USH2A: variants seen among roughly 807,000 people sequenced by gnomAD.
USH2A encodes the protein usherin, also known as Usher syndrome 2A (autosomal recessive, mild).
USH2A carries 443 observed loss-of-function variants against 538.9 expected under a neutral mutation model. That is an observed-to-expected ratio of 0.82 (90% CI 0.76 to 0.89). USH2A has a LOEUF of 0.89. USH2A is among the 40% of genes least tolerant of loss of function. USH2A has a pLI of 0.00. For synonymous variants in USH2A, 2,413 were observed against 2,273.5 expected (o/e 1.06, Z -1.75); for missense variants, 6,633 against 6,324.8 (o/e 1.05, Z -1.65).
intron 64 of USH2A, among the ~76,000 whole-genome samples, chr1:215,668,381 C>T (rs1373388372): frequency 6.6e-5 from 10 of 152,190 alleles, no homozygotes. Flanking sequence ...TTTATTTCAG[C>T]ATTTAATCTA....
At chr1:215,843,929 G>GA (rs1258400363) in intron 46 of USH2A, among the ~76,000 whole-genome samples, 1 of 151,940 alleles carries the variant, frequency 6.6e-6, no homozygotes, top group Non-Finnish European at 1.5e-5. Flanking sequence ...AATGGGAAGA[G>GA]AAAAAAACAT....
At chr1:216,034,240 T>C (rs928699792) in intron 32 of USH2A, among the ~76,000 whole-genome samples, 9 of 151,998 alleles carry the variant, frequency 5.9e-5, no homozygotes, top group Admixed American at 6.6e-5. Context: ...ATTGAGAAGG[T>C]GAGGTATCAC....
intron 11 of USH2A, among the ~76,000 whole-genome samples, chr1:216,263,209 T>A (rs1451057220): frequency 6.6e-6 from 1 of 152,084 alleles, no homozygotes; most frequent in African/African-American, 2.4e-5. Context: ...ATAGAAGAAC[T>A]AATACCATTT....
chr1:216,212,685 G>GTT (rs2035266052), intron 15 of USH2A, among the ~76,000 whole-genome samples: 1 of 146,760 alleles, frequency 6.8e-6, no homozygotes, highest in Admixed American at 6.7e-5. Flanking sequence ...GTGTGTGTTT[G>GTT]TGTGTGTGTG....
At chr1:216,304,194 A>G (rs1038756325) in intron 9 of USH2A, among the ~76,000 whole-genome samples, 1 of 152,050 alleles carries the variant, frequency 6.6e-6, no homozygotes, top group Non-Finnish European at 1.5e-5. Context: ...TGAATTTAGT[A>G]GTATAGTAAG....
At chr1:216,064,014 T>C (rs1438032823) in intron 30 of USH2A, among the ~76,000 whole-genome samples, 1 of 152,200 alleles carries the variant, frequency 6.6e-6, no homozygotes, top group Non-Finnish European at 1.5e-5. Flanking sequence ...TGGTGTGGTA[T>C]ATAAATCAAG....
At chr1:215,896,661 G>C (rs1053682647) in intron 40 of USH2A, among the ~76,000 whole-genome samples, 2 of 152,052 alleles carry the variant, frequency 1.3e-5, no homozygotes, top group African/African-American at 4.8e-5. Flanking sequence ...AAACATACGA[G>C]AGAGAAGGAA....
intron 38 of USH2A, among the ~76,000 whole-genome samples, chr1:215,934,066 T>C (rs1255437257): frequency 6.6e-6 from 1 of 152,020 alleles, no homozygotes. Flanking sequence ...CACACATGAA[T>C]GTGGCCCTGC....
At chr1:215,921,063 A>G (rs1328659420) in intron 38 of USH2A, among the ~76,000 whole-genome samples, 3 of 152,150 alleles carry the variant, frequency 2.0e-5, no homozygotes, top group African/African-American at 2.4e-5. Flanking sequence ...ATTAGTTTTT[A>G]CAAATATAAG....
At chr1:215,957,671 C>T (rs191519485) in intron 37 of USH2A, among the ~76,000 whole-genome samples, 1 of 152,202 alleles carries the variant, frequency 6.6e-6, no homozygotes, top group African/African-American at 2.4e-5. Context: ...GCGTGGTGGA[C>T]GTTATGTTCC....
intron 3 of USH2A, among the ~76,000 whole-genome samples, chr1:216,371,825 A>G (rs968147613): frequency 4.6e-5 from 7 of 152,218 alleles, no homozygotes; most frequent in Admixed American, 4.6e-4. Flanking sequence ...AAACAACAAC[A>G]TGAACTATGT....
chr1:215,680,678 C>A (rs1004541517), intron 61 of USH2A, among the ~76,000 whole-genome samples: 29 of 149,920 alleles, frequency 1.9e-4, no homozygotes, highest in Middle Eastern at 3.5e-3. Flanking sequence ...AAAAAAAAAA[C>A]AAAACATGAT....
chr1:215,695,228 A>G (rs1427169439), intron 61 of USH2A, among the ~76,000 whole-genome samples: 1 of 152,210 alleles, frequency 6.6e-6, no homozygotes, highest in Non-Finnish European at 1.5e-5. Flanking sequence ...CCCTATCATG[A>G]TCTGACACTG....
At chr1:215,979,372 T>C (rs1049812478) in intron 35 of USH2A, among the ~76,000 whole-genome samples, 32 of 152,034 alleles carry the variant, frequency 2.1e-4, no homozygotes, top group Admixed American at 9.8e-4. Context: ...TCAAAGGGAA[T>C]TTGGGGCCTT....
intron 36 of USH2A, among the ~76,000 whole-genome samples, chr1:215,969,797 A>C (rs560419345): frequency 2.3e-4 from 35 of 152,170 alleles, no homozygotes; most frequent in Non-Finnish European, 3.7e-4. Flanking sequence ...ATATTTATAT[A>C]ATATACTCTT....
chr1:215,930,056 G>A (rs1666325667), intron 38 of USH2A, among the ~76,000 whole-genome samples: 1 of 151,918 alleles, frequency 6.6e-6, no homozygotes, highest in Admixed American at 6.6e-5. Context: ...ATTTTCTCAA[G>A]CCTAGTATTT....
chr1:215,944,303 A>G (rs74595618), intron 37 of USH2A, among the ~76,000 whole-genome samples: 4,885 of 152,232 alleles, frequency 0.032, 122 homozygotes, highest in South Asian at 0.083. Flanking sequence ...TTTACTTTCT[A>G]TCCCTTTATA....
rs554922010 is a variant in USH2A, at chr1:216,125,406, C to G, written c.4628-28193G>C. Among the ~76,000 whole-genome samples the G allele has an allele frequency of 3.3e-5, 5 of 152,264 alleles. No individual in the cohort carries two copies. In the East Asian group the frequency reaches 9.7e-4, roughly 29 times the overall value. ...TCCAATCTGCCATGTTCTAGACATACACTGTTAGTATTTTCTCTAAAGTAA... is the reference window on the plus strand; with the variant it reads ...TCCAATCTGCCATGTTCTAGACATAGACTGTTAGTATTTTCTCTAAAGTAA... On this transcript the variant is annotated intron_variant, in intron 21 of 71. Coordinates refer to ENST00000307340, the MANE Select transcript of USH2A (RefSeq NM_206933.4).
At chr1:216,084,300 C>T (rs1243129541) in intron 25 of USH2A, among the ~76,000 whole-genome samples, 1 of 152,078 alleles carries the variant, frequency 6.6e-6, no homozygotes, top group African/African-American at 2.4e-5. Flanking sequence ...GAACATTGTT[C>T]TTCTATATAA....
Sources: allele counts gnomAD v4.1 joint callset (sites outside exome capture counted in the v4.1 genomes callset), GRCh38; gene constraint gnomAD v4.1.1; transcripts MANE v1.5; gene names NCBI Gene and HGNC (gene_info 2026-07-23, HGNC 2026-07-21).